The following PAPPA variants were observed in gnomAD, a reference collection of about 807,000 sequenced individuals.
PAPPA encodes pappalysin 1, also known as pappalysin-1.
Under a neutral mutation model 164.0 loss-of-function variants are expected in PAPPA, and 60 were observed. The ratio of observed to expected loss-of-function variants is 0.37; its 90% confidence interval spans 0.30 to 0.45. The LOEUF (loss-of-function observed/expected upper bound fraction) is 0.45. Ranked by LOEUF, PAPPA falls within the 20% of genes least tolerant of loss-of-function variation. The pLI is 1.00. For synonymous variants in PAPPA, 875 were observed against 814.1 expected, an observed-to-expected ratio of 1.07 and a Z score of -1.27; for missense variants, 1,782 against 2,087.3, an observed-to-expected ratio of 0.85 and a Z score of 2.85.
At chr9:116,212,552 C>A (rs1262056696) in intron 4 of PAPPA, among the ~76,000 whole-genome samples, 1 of 152,150 alleles carries the variant, frequency 6.6e-6, no homozygotes. Context: ...ACAATGCACA[C>A]AATTGCACAT....
Position 116,154,631 on chromosome 9 carries a change from C to A in PAPPA, c.415+44C>A. The A allele has an allele frequency of 7.8e-7, 1 of 1,283,688 alleles. No homozygotes were observed. The highest frequency in any genetic ancestry group is 9.9e-7 in the Non-Finnish European group (1 of 1,014,360). The allele number at this position is 1,283,688 out of a possible 1,614,324, so 79.5% of individuals were successfully genotyped here. A position where few individuals can be genotyped will look rare whatever the true frequency, so the allele number is the denominator to read the frequency against. On this transcript the variant is annotated intron_variant, in intron 1 of 21. Transcript: ENST00000328252. The surrounding 1 kb of genome is among the most constrained non-coding windows in gnomAD (Gnocchi z 5.2). ...GCGGGCGCTGCACCGTCCCTGCGGC[C>A]CCAGAGGCTCGCGGGTGTCTGGGCG...
intron 4 of PAPPA, among the ~76,000 whole-genome samples, chr9:116,214,420 T>G (rs1844346299): frequency 6.6e-6 from 1 of 152,228 alleles, no homozygotes; most frequent in Non-Finnish European, 1.5e-5. Context: ...TTAAGTATCT[T>G]GCCCAGCATC....
intron 7 of PAPPA, among the ~76,000 whole-genome samples, chr9:116,260,490 C>CGTAG (rs1358666739): frequency 6.6e-6 from 1 of 152,204 alleles, no homozygotes; most frequent in Non-Finnish European, 1.5e-5. Flanking sequence ...CTCAAGGCTA[C>CGTAG]ACTGGAATAC....
intron 2 of PAPPA, among the ~76,000 whole-genome samples, chr9:116,205,157 C>T (rs1171937714): frequency 4.0e-5 from 6 of 151,552 alleles, no homozygotes; most frequent in African/African-American, 7.3e-5. Flanking sequence ...AGTCTTCCCC[C>T]TTAGGGAAAT....
intron 6 of PAPPA, among the ~76,000 whole-genome samples, chr9:116,231,778 T>TTTTTTTTTTTTTTTTTTG: frequency 6.9e-6 from 1 of 144,186 alleles, no homozygotes; most frequent in South Asian, 2.3e-4. Flanking sequence ...TTTTTTTTTT[T>TTTTTTTTTTTTTTTTTTG]GAGATGGAGT....
At chr9:116,161,207 C>T (rs965092212) in intron 1 of PAPPA, among the ~76,000 whole-genome samples, 2 of 152,142 alleles carry the variant, frequency 1.3e-5, no homozygotes, top group Non-Finnish European at 2.9e-5. Flanking sequence ...AGTTAGCAAA[C>T]CTTTTCATGC....
At chr9:116,289,325 G>GCATATATATGGCATATATATGC (rs1554748540) in intron 9 of PAPPA, among the ~76,000 whole-genome samples, 10,011 of 70,232 alleles carry the variant, frequency 0.14, 2,207 homozygotes, top group South Asian at 0.19. Context: ...CATATATATG[G>GCATATATATGGCATATATATGC]CATATATATA....
intron 5 of PAPPA, among the ~76,000 whole-genome samples, chr9:116,223,698 A>G (rs999223764): frequency 5.3e-5 from 8 of 152,332 alleles, no homozygotes; most frequent in African/African-American, 1.7e-4. Context: ...AAGAAATGGA[A>G]CTGTCTTTAA....
At chr9:116,195,224 T>C (rs1345654780) in intron 2 of PAPPA, among the ~76,000 whole-genome samples, 2 of 152,184 alleles carry the variant, frequency 1.3e-5, no homozygotes, top group Non-Finnish European at 2.9e-5. Context: ...TTTCTCTGAT[T>C]CAGTCTGGGT....
intron 2 of PAPPA, among the ~76,000 whole-genome samples, chr9:116,201,921 G>T (rs545281242): frequency 1.4e-4 from 22 of 152,136 alleles, no homozygotes; most frequent in Non-Finnish European, 2.6e-4. Context: ...GGGCATCTAC[G>T]CATGGCCAGT....
At chr9:116,278,437 T>C (rs550837963) in intron 9 of PAPPA, among the ~76,000 whole-genome samples, 10 of 152,318 alleles carry the variant, frequency 6.6e-5, no homozygotes, top group African/African-American at 1.4e-4. Context: ...TCTTTTCCAC[T>C]ATTTCTGTTT....
chr9:116,284,544 CCTTTTTTTT>C (rs1845307432), intron 9 of PAPPA, among the ~76,000 whole-genome samples: 1 of 94,790 alleles, frequency 1.1e-5, no homozygotes, highest in East Asian at 3.9e-4. Flanking sequence ...TTAGTCTGGG[CCTTTTTTTT>C]TTTTTTTTTT....
rs1358873862 is a variant in PAPPA at position 116,396,683 on chromosome 9, C to T, written c.*67C>T. The T allele has an allele frequency of 1.3e-6, 1 of 746,550 alleles. No homozygotes were observed. The highest frequency in any genetic ancestry group is 2.5e-5 in the East Asian group (1 of 40,494). The allele number at this position is 746,550 out of a possible 1,614,324, so 46.2% of individuals were successfully genotyped here. A position where few individuals can be genotyped will look rare whatever the true frequency, so the allele number is the denominator to read the frequency against. On this transcript the variant is annotated 3_prime_UTR_variant, in exon 22 of 22. Coordinates refer to ENST00000328252, the MANE Select transcript of PAPPA (RefSeq NM_002581.5). ...CCACATCCCTTTGGTATTGATTTCA[C>T]AGTCAGCTGCTCAACGGAATGGCCT...
At chr9:116,266,269 G>T (rs1391087153) in intron 8 of PAPPA, among the ~76,000 whole-genome samples, 3 of 152,188 alleles carry the variant, frequency 2.0e-5, no homozygotes, top group Non-Finnish European at 2.9e-5. Context: ...GCTCTCAGTT[G>T]CTTTATGTGT....
intron 5 of PAPPA, among the ~76,000 whole-genome samples, chr9:116,220,847 C>T (rs1043781352): frequency 2.0e-5 from 3 of 150,716 alleles, no homozygotes; most frequent in Non-Finnish European, 4.4e-5. Flanking sequence ...ATGGCACCAC[C>T]GCATCTCAGC....
chr9:116,296,182 T>C (rs777113462), intron 9 of PAPPA, among the ~76,000 whole-genome samples: 30 of 152,230 alleles, frequency 2.0e-4, no homozygotes, highest in Non-Finnish European at 4.0e-4. Context: ...AATTTTATAG[T>C]GAAGCTGATA....
chr9:116,169,953 T>C (rs1843757762), intron 1 of PAPPA, among the ~76,000 whole-genome samples: 1 of 152,088 alleles, frequency 6.6e-6, no homozygotes, highest in East Asian at 1.9e-4. Flanking sequence ...TTTATTTCCT[T>C]ATGAATACGA....
At chr9:116,180,687 C>G (rs563126931) in intron 1 of PAPPA, among the ~76,000 whole-genome samples, 13 of 152,210 alleles carry the variant, frequency 8.5e-5, no homozygotes, top group Non-Finnish European at 1.5e-4. Context: ...TCCACCCCGC[C>G]GCCCCCAGAC....
At chr9:116,333,822 C>G (rs1200682288) in intron 12 of PAPPA, among the ~76,000 whole-genome samples, 1 of 152,040 alleles carries the variant, frequency 6.6e-6, no homozygotes, top group East Asian at 1.9e-4. Flanking sequence ...CTCTTTGGAT[C>G]CTGGTACTGA....
Sources: gnomAD v4.1 joint callset for allele counts (sites outside exome capture counted in the v4.1 genomes callset) on GRCh38, gnomAD v4.1.1 for gene constraint, Gnocchi (gnomAD v3.1) non-coding constraint, MANE v1.5 for transcripts, NCBI Gene and HGNC (gene_info 2026-07-23, HGNC 2026-07-21) for gene names.